Variants in SATL1 observed in about 807,000 individuals in gnomAD.
The protein encoded by SATL1 is spermidine/spermine N(1)-acetyltransferase-like protein 1.
In SATL1, 47 loss-of-function variants were observed where a neutral mutation model predicts 51.8. The ratio of observed to expected loss-of-function variants is 0.91; its 90% confidence interval spans 0.72 to 1.16. The LOEUF (loss-of-function observed/expected upper bound fraction) is 1.16. Among genes scored for constraint, SATL1 ranks in the 50% most tolerant of loss-of-function variants. SATL1 has a pLI of 0.00. For missense variants in SATL1, 520 were observed against 526.4 expected, an observed-to-expected ratio of 0.99 and a Z score of 0.12; for synonymous variants, 176 against 182.4, an observed-to-expected ratio of 0.97 and a Z score of 0.28.
intron 2 of SATL1, among the ~76,000 whole-genome samples, chrX:85,221,363 T>C (rs1488651168): frequency 8.9e-6 from 1 of 112,155 alleles, no homozygotes; most frequent in African/African-American, 3.2e-5. Flanking sequence ...TAGGTACTGT[T>C]ATTTTTCCCA....
chrX:85,155,681 T>A (rs1232979909), intron 2 of SATL1, among the ~76,000 whole-genome samples: 3 of 111,154 alleles, frequency 2.7e-5, no homozygotes, highest in African/African-American at 9.8e-5. Context: ...TAACTTTAAA[T>A]ATACTCTGGG....
chrX:85,147,547 G>A (rs1256106479), intron 2 of SATL1, among the ~76,000 whole-genome samples: 6 of 113,016 alleles, frequency 5.3e-5, no homozygotes, highest in Non-Finnish European at 9.4e-5. Context: ...CCTGACCCCC[G>A]AGCAGCCTAA....
chrX:85,093,854 C>T (rs746698550), intron 6 of SATL1, among the ~76,000 whole-genome samples: 2 of 111,710 alleles, frequency 1.8e-5, no homozygotes, highest in African/African-American at 6.5e-5. Flanking sequence ...ACAGAAAACC[C>T]TGTCTCAAAA....
At chrX:85,151,318 G>C (rs1602872129) in intron 2 of SATL1, among the ~76,000 whole-genome samples, 1 of 111,320 alleles carries the variant, frequency 9.0e-6, no homozygotes, top group East Asian at 2.8e-4. Flanking sequence ...AATAAAAAAG[G>C]ATACAAACAA....
intron 2 of SATL1, among the ~76,000 whole-genome samples, chrX:85,208,387 A>G (rs1927834890): frequency 9.0e-6 from 1 of 111,680 alleles, no homozygotes; most frequent in Non-Finnish European, 1.9e-5. Flanking sequence ...TTGTAGCAGC[A>G]TGATTTATAA....
chrX:85,133,267 G>A (rs1454241212), intron 2 of SATL1, among the ~76,000 whole-genome samples: 1 of 112,105 alleles, frequency 8.9e-6, no homozygotes, highest in East Asian at 2.8e-4. Context: ...CCAGAGGTGG[G>A]GTCTACAGAG....
intron 4 of SATL1, among the ~76,000 whole-genome samples, chrX:85,102,531 A>G (rs1443066624): frequency 2.7e-5 from 3 of 111,894 alleles, no homozygotes; most frequent in Non-Finnish European, 5.6e-5. Context: ...CGGCCTCTAT[A>G]CAAGTACATA....
intron 2 of SATL1, among the ~76,000 whole-genome samples, chrX:85,112,726 A>C (rs932202179): frequency 1.8e-5 from 2 of 111,624 alleles, no homozygotes; most frequent in Non-Finnish European, 3.8e-5. Flanking sequence ...AACTCCTGAG[A>C]TCTTATTGGG....
intron 2 of SATL1, among the ~76,000 whole-genome samples, chrX:85,148,419 A>T (rs1926321471): frequency 9.1e-6 from 1 of 110,201 alleles, no homozygotes; most frequent in Non-Finnish European, 1.9e-5. Flanking sequence ...GAACTTCCCC[A>T]ATCTAGCAAG....
At chrX:85,174,408 C>T (rs1341036498) in intron 2 of SATL1, among the ~76,000 whole-genome samples, 1 of 108,885 alleles carries the variant, frequency 9.2e-6, no homozygotes, top group South Asian at 4.1e-4. Flanking sequence ...CTGCAACCTC[C>T]GCCTCCTGGG....
At chrX:85,180,370 C>T (rs1372749037) in intron 2 of SATL1, among the ~76,000 whole-genome samples, 1 of 111,163 alleles carries the variant, frequency 9.0e-6, no homozygotes, top group Non-Finnish European at 1.9e-5. Context: ...AGTGTACTTA[C>T]ACAAACCTAG....
At chrX:85,186,901 C>A (rs1569243884) in intron 2 of SATL1, among the ~76,000 whole-genome samples, 1 of 111,576 alleles carries the variant, frequency 9.0e-6, no homozygotes, top group African/African-American at 3.3e-5. Context: ...CCATCTTGCT[C>A]CACCTTTTTC....
intron 2 of SATL1, among the ~76,000 whole-genome samples, chrX:85,152,137 C>T (rs1174706867): frequency 2.9e-4 from 32 of 111,251 alleles, no homozygotes; most frequent in Non-Finnish European, 5.5e-4. Context: ...ACAAACAATC[C>T]CATCAAAATG....
rs780698991 is a variant in SATL1 at position 85,108,772 on chromosome X, A to G, written c.197T>C (p.Leu66Pro). The G allele has an allele frequency of 8.3e-7, 1 of 1,209,839 alleles. No individual in the cohort carries two copies. Residue 66 changes from leucine to proline, a missense_variant, in exon 3 of 8, where the codon CTA (leucine) becomes CCA (proline). Physicochemically the swap from Leu to Pro is moderately conservative, Grantham distance 98. Transcript: ENST00000644105. ...CATGTCGGGTTGGTTTATGTCTGGT[A>G]GGTTTGTACCTGATTGCCTCATGCC... ...QAGMRQSGTN[L>P]PDINQPDMKQ...
intron 2 of SATL1, among the ~76,000 whole-genome samples, chrX:85,201,854 C>T (rs1927693208): frequency 8.9e-6 from 1 of 112,199 alleles, no homozygotes; most frequent in Admixed American, 9.4e-5. Context: ...TTTCTTTATC[C>T]AGTCTGTCAT....
chrX:85,113,740 G>A (rs1241921849), intron 2 of SATL1, among the ~76,000 whole-genome samples: 1 of 112,084 alleles, frequency 8.9e-6, no homozygotes, highest in Non-Finnish European at 1.9e-5. Flanking sequence ...TGCCATATAA[G>A]CTCCTTTTAA....
At position 85,198,565 on chromosome X, in the gene SATL1, C is replaced by T. The variant is rs1315530967; in HGVS notation, c.-313+25640G>A. 1.8e-4 allele frequency among the ~76,000 whole-genome samples: 20 copies of T among 111,195 alleles called. No individual in the cohort carries two copies. In the Admixed American group the frequency reaches 1.9e-3, roughly 11 times the overall value. On this transcript the variant is annotated intron_variant, in intron 2 of 7. Coordinates refer to ENST00000644105, the MANE Select transcript of SATL1 (RefSeq NM_001367857.2). ...AACATTGTAGTTATGATATACATTT[C>T]TCTGATGGTCAATGATGTTGAGTAC...
intron 2 of SATL1, among the ~76,000 whole-genome samples, chrX:85,152,931 A>T (rs1392981739): frequency 1.8e-5 from 2 of 110,418 alleles, no homozygotes; most frequent in Non-Finnish European, 3.8e-5. Context: ...ACTAACCTGC[A>T]CATTGTGCAT....
intron 2 of SATL1, among the ~76,000 whole-genome samples, chrX:85,110,761 G>A (rs1003099515): frequency 7.1e-5 from 8 of 112,102 alleles, no homozygotes; most frequent in African/African-American, 2.6e-4. Flanking sequence ...GTCACATCGC[G>A]GAACTATGTC....
Sources: allele counts gnomAD v4.1 joint callset (sites outside exome capture counted in the v4.1 genomes callset), GRCh38; gene constraint gnomAD v4.1.1; transcripts MANE v1.5; gene names NCBI Gene and HGNC (gene_info 2026-07-23, HGNC 2026-07-21).